ACSBG1: variants seen among roughly 807,000 people sequenced by gnomAD.
The protein encoded by ACSBG1 is long-chain-fatty-acid--CoA ligase ACSBG1.
Under a neutral mutation model 80.2 loss-of-function variants are expected in ACSBG1, and 39 were observed. The observed-to-expected ratio is 0.49, with a 90% confidence interval of 0.38 to 0.64. The LOEUF is 0.64. Ranked by LOEUF, ACSBG1 falls within the 30% of genes least tolerant of loss-of-function variation. ACSBG1 has a pLI of 0.00. For synonymous variants in ACSBG1, 392 were observed against 379.5 expected (o/e 1.03, Z -0.38); for missense variants, 828 against 966.4 (o/e 0.86, Z 1.90).
At chr15:78,220,012 C>T (rs2075348330) in intron 1 of ACSBG1, among the ~76,000 whole-genome samples, 1 of 150,508 alleles carries the variant, frequency 6.6e-6, no homozygotes, top group Non-Finnish European at 1.5e-5. Flanking sequence ...ACAAAAAATT[C>T]AAGAGACCTA....
chr15:78,191,539 C>A (rs1359117736), intron 5 of ACSBG1, among the ~76,000 whole-genome samples: 1 of 152,328 alleles, frequency 6.6e-6, no homozygotes. Context: ...CAGAGTGTCT[C>A]AGGTACCAAA....
At chr15:78,180,444 A>G (rs2074930846) in intron 9 of ACSBG1, among the ~76,000 whole-genome samples, 1 of 152,212 alleles carries the variant, frequency 6.6e-6, no homozygotes, top group Non-Finnish European at 1.5e-5. Context: ...CCCCTTCTCC[A>G]GCCACTTACT....
At chr15:78,201,132 T>C (rs754789926) in intron 2 of ACSBG1, among the ~76,000 whole-genome samples, 1 of 152,218 alleles carries the variant, frequency 6.6e-6, no homozygotes, top group Non-Finnish European at 1.5e-5. Flanking sequence ...GATGGGGTCA[T>C]GGTCGGGGCT....
rs1443517940 is a variant in ACSBG1 at position 78,234,411 on chromosome 15, C to T, written c.91G>A (p.Asp31Asn). 6.2e-7 allele frequency: 1 copy of T among 1,612,984 alleles called. No individual in the cohort carries two copies. Among genetic ancestry groups the T allele is most frequent in the East Asian group, 2.2e-5 (1 of 44,882 alleles). ...TCTTGGGTGGTCCTCACAATCATGT[C>T]CTGCCGGCTCTCCTGTGGGGTCTCT... ...SRETPQESRQ[D>N]MIVRTTQEKL... The change falls in exon 1 of 14, where the codon GAC becomes AAC. Residue 31 changes from aspartate to asparagine, a missense_variant. By Grantham distance (23) the Asp-to-Asn change is conservative. This residue lies in a region of ACSBG1 where 356 missense variants were observed against 363.5 expected (regional missense o/e 0.98). Coordinates refer to ENST00000258873, the MANE Select transcript of ACSBG1 (RefSeq NM_015162.5).
At chr15:78,182,324 T>C (rs1346008410) in intron 7 of ACSBG1, 142 bp downstream of exon 7, 3 of 1,341,734 alleles carry the variant, frequency 2.2e-6, no homozygotes, top group African/African-American at 1.5e-5. Flanking sequence ...GGGCCACAGA[T>C]TGATGGGCTG....
chr15:78,208,090 G>A lies in ACSBG1; in HGVS notation c.144C>T (p.Asp48=), dbSNP rs776248914. The part of the protein sequence containing the change: ...QEKLKTSSLT[D]RQPLSKESLN... ...GGGACTCTTTGGAGAGTGGCTGCCT[G>A]TCAGTCAGTGAGCTGGGGTGGTGAG... Residue 48 remains aspartate, a synonymous_variant, in exon 2 of 14, where the codon GAC becomes GAT. Transcript: ENST00000258873. The A allele has an allele frequency of 3.7e-6, 6 of 1,613,720 alleles. No individual in the cohort carries two copies. The highest frequency in any genetic ancestry group is 4.2e-6 in the Non-Finnish European group (5 of 1,179,832).
At chr15:78,214,719 G>C (rs1445325077) in intron 1 of ACSBG1, among the ~76,000 whole-genome samples, 1 of 152,142 alleles carries the variant, frequency 6.6e-6, no homozygotes, top group Non-Finnish European at 1.5e-5. Flanking sequence ...GGGATTATAG[G>C]AGTGAGTCAC....
intron 5 of ACSBG1, among the ~76,000 whole-genome samples, chr15:78,190,310 A>T (rs80039126): frequency 6.6e-6 from 1 of 151,876 alleles, no homozygotes; most frequent in Non-Finnish European, 1.5e-5. Context: ...AAACCCCACA[A>T]ACATTGTTAT....
chr15:78,179,834 CA>C, intron 9 of ACSBG1, 54 bp from the exon 10 acceptor site: 1 of 1,314,636 alleles, frequency 7.6e-7, no homozygotes, highest in South Asian at 1.3e-5. Flanking sequence ...CACACACACA[CA>C]CACACACATA....
At chr15:78,216,781 C>T (rs1288627472) in intron 1 of ACSBG1, among the ~76,000 whole-genome samples, 1 of 152,230 alleles carries the variant, frequency 6.6e-6, no homozygotes, top group Non-Finnish European at 1.5e-5. Context: ...CAGCTCACTT[C>T]TTACCCAGTT....
intron 9 of ACSBG1, 133 bp from the exon 10 acceptor site, chr15:78,179,913 G>C (rs1435776458): frequency 6.8e-6 from 5 of 730,008 alleles, no homozygotes; most frequent in Non-Finnish European, 1.1e-5. Context: ...CCAGTTGTCT[G>C]TTCCAGTTGG....
intron 2 of ACSBG1, among the ~76,000 whole-genome samples, chr15:78,197,650 T>G (rs1595891018): frequency 7.6e-6 from 1 of 132,188 alleles, no homozygotes; most frequent in Non-Finnish European, 1.6e-5. Context: ...ACCCGGGAGG[T>G]GGAGGTTGCA....
At chr15:78,181,553 G>T (rs1310063858) in intron 8 of ACSBG1, among the ~76,000 whole-genome samples, 2 of 145,784 alleles carry the variant, frequency 1.4e-5, no homozygotes, top group Non-Finnish European at 3.0e-5. Context: ...GAGTACAGTG[G>T]CGTGATCTCG....
At chr15:78,210,392 G>T (rs1227021592) in intron 1 of ACSBG1, among the ~76,000 whole-genome samples, 3 of 152,198 alleles carry the variant, frequency 2.0e-5, no homozygotes, top group Non-Finnish European at 4.4e-5. Flanking sequence ...GGCTTTGAGA[G>T]GTGGTCCCTT....
At chr15:78,186,112 C>G (rs924148688) in intron 5 of ACSBG1, among the ~76,000 whole-genome samples, 3 of 152,170 alleles carry the variant, frequency 2.0e-5, no homozygotes, top group Non-Finnish European at 4.4e-5. Flanking sequence ...GTTAGCTCTT[C>G]TTGTTGAATT....
At chr15:78,222,050 G>A (rs2075363422) in intron 1 of ACSBG1, among the ~76,000 whole-genome samples, 1 of 152,216 alleles carries the variant, frequency 6.6e-6, no homozygotes, top group Non-Finnish European at 1.5e-5. Flanking sequence ...CAACCCAAAT[G>A]TCCATCAACT....
At chr15:78,198,055 T>C (rs1567088677) in intron 2 of ACSBG1, among the ~76,000 whole-genome samples, 2 of 152,162 alleles carry the variant, frequency 1.3e-5, no homozygotes, top group Non-Finnish European at 2.9e-5. Flanking sequence ...TTTTTTGACA[T>C]GGAGTCTCAC....
intron 1 of ACSBG1, among the ~76,000 whole-genome samples, chr15:78,209,442 G>A (rs1428000923): frequency 6.6e-6 from 1 of 152,168 alleles, no homozygotes; most frequent in Non-Finnish European, 1.5e-5. Flanking sequence ...AAACTGAAGA[G>A]ATGGCAACGT....
At chr15:78,213,044 G>A (rs1306937326) in intron 1 of ACSBG1, among the ~76,000 whole-genome samples, 2 of 152,138 alleles carry the variant, frequency 1.3e-5, no homozygotes, top group Non-Finnish European at 2.9e-5. Context: ...TCTCTGCTCA[G>A]CGGGCAAAGC....
Sources: gnomAD v4.1 joint callset for allele counts (sites outside exome capture counted in the v4.1 genomes callset) on GRCh38, gnomAD v4.1.1 for gene constraint, gnomAD v4.1.1 regional missense constraint, MANE v1.5 for transcripts, NCBI Gene and HGNC (gene_info 2026-07-23, HGNC 2026-07-21) for gene names.